ETV1: variants seen among roughly 807,000 people sequenced by gnomAD.
The protein encoded by ETV1 is ETS variant transcription factor 1.
In ETV1, 27 loss-of-function variants were observed where a neutral mutation model predicts 62.3. The observed-to-expected ratio is 0.43, with a 90% confidence interval of 0.32 to 0.60. The LOEUF is 0.60. ETV1 is among the 20% of genes least tolerant of loss of function. The probability of loss-of-function intolerance (pLI) is 0.06; values close to 1 mark genes in which losing one functional copy is unlikely to be tolerated. For synonymous variants in ETV1, 222 were observed against 199.6 expected (o/e 1.11, Z -0.94); for missense variants, 605 against 605.8 (o/e 1.00, Z 0.01).
At chr7:13,911,359 G>T in intron 9 of ETV1, 52 bp from the exon 10 acceptor site, 1 of 1,221,418 alleles carries the variant, frequency 8.2e-7, no homozygotes, top group South Asian at 1.3e-5. Context: ...GAAACGCTGC[G>T]GTTATCAATG....
chr7:13,989,165 G>T, intron 2 of ETV1, 26 bp from the exon 3 acceptor site: 1 of 830,394 alleles, frequency 1.2e-6, no homozygotes, highest in Non-Finnish European at 1.8e-6. Flanking sequence ...ATGGCTTTTA[G>T]GCTTAAAAAA....
At chr7:13,986,311 G>T (rs540192368) in intron 5 of ETV1, 2 of 1,502,596 alleles carry the variant, frequency 1.3e-6, no homozygotes, top group Admixed American at 2.8e-5. Flanking sequence ...GTCTCTGGAG[G>T]TACAATAATA....
chr7:13,920,991 A>T (rs1784781181), intron 9 of ETV1, among the ~76,000 whole-genome samples: 1 of 152,224 alleles, frequency 6.6e-6, no homozygotes, highest in South Asian at 2.1e-4. Context: ...TAAGTGATCT[A>T]CTAGTCCACA....
intron 6 of ETV1, among the ~76,000 whole-genome samples, chr7:13,974,666 G>A (rs1320887505): frequency 1.3e-5 from 2 of 152,240 alleles, no homozygotes; most frequent in East Asian, 3.8e-4. Context: ...AACTTGGTTA[G>A]CAATTTGAGG....
chr7:13,987,415 T>C (rs1475203787), intron 4 of ETV1, among the ~76,000 whole-genome samples: 1 of 152,160 alleles, frequency 6.6e-6, no homozygotes, highest in African/African-American at 2.4e-5. Context: ...AATCTAAGTA[T>C]ATTAAGTTTA....
intron 7 of ETV1, among the ~76,000 whole-genome samples, chr7:13,937,445 T>C (rs895538911): frequency 6.8e-6 from 1 of 146,486 alleles, no homozygotes; most frequent in African/African-American, 2.8e-5. Flanking sequence ...CCAGAATTTA[T>C]TGCATATGCC....
intron 5 of ETV1, among the ~76,000 whole-genome samples, chr7:13,985,814 A>G (rs964783498): frequency 6.6e-6 from 1 of 152,198 alleles, no homozygotes; most frequent in Admixed American, 6.5e-5. Context: ...GTCCCTCAAC[A>G]TTAGGCATTT....
At chr7:13,931,401 A>G (rs938403769) in intron 9 of ETV1, 101 bp downstream of exon 9, 14 of 1,291,324 alleles carry the variant, frequency 1.1e-5, no homozygotes, top group Non-Finnish European at 1.5e-5. Flanking sequence ...ATCTTATTAA[A>G]AAATGGTCAG....
intron 9 of ETV1, among the ~76,000 whole-genome samples, chr7:13,927,172 G>T (rs1261043211): frequency 2.6e-5 from 4 of 152,140 alleles, no homozygotes; most frequent in Admixed American, 1.3e-4. Context: ...TTTACGGCAG[G>T]GTGCAGTGGC....
At chr7:13,900,650 C>T in intron 13 of ETV1, 88 bp downstream of exon 13, 1 of 917,146 alleles carries the variant, frequency 1.1e-6, no homozygotes. Flanking sequence ...CTCGCTTCAG[C>T]AATGCAATGA....
chr7:13,981,639 C>A (rs1280799851), intron 5 of ETV1, among the ~76,000 whole-genome samples: 1 of 151,586 alleles, frequency 6.6e-6, no homozygotes, highest in East Asian at 1.9e-4. Flanking sequence ...AAGGAAAAGA[C>A]AGAAAGATGC....
At chr7:13,907,824 A>C (rs1247712894) in intron 11 of ETV1, 1 of 470,698 alleles carries the variant, frequency 2.1e-6, no homozygotes, top group South Asian at 1.6e-5. Context: ...ATACCTCTTA[A>C]AATAATTACA....
At chr7:13,905,644 G>A (rs955858683) in intron 12 of ETV1, among the ~76,000 whole-genome samples, 1 of 152,188 alleles carries the variant, frequency 6.6e-6, no homozygotes, top group Non-Finnish European at 1.5e-5. Context: ...CCATTTGTAT[G>A]TGGGGAGTGG....
At chr7:13,971,019 T>C (rs997019524) in intron 6 of ETV1, among the ~76,000 whole-genome samples, 60 of 152,194 alleles carry the variant, frequency 3.9e-4, no homozygotes, top group African/African-American at 1.4e-3. Context: ...TCACCCAGGC[T>C]GGAGTGCGAT....
Position 13,893,916 on chromosome 7 carries a change from T to C in ETV1, c.*1950A>G, listed in dbSNP as rs1562570822. Reference sequence around the variant, plus strand: ...AATACATGATGTATATGAACAACAATCATTGAAATCGCAGGTTACATACAT... The same window carrying C: ...AATACATGATGTATATGAACAACAACCATTGAAATCGCAGGTTACATACAT... On this transcript the variant is annotated 3_prime_UTR_variant, in exon 14 of 14. Coordinates refer to ENST00000430479, the MANE Select transcript of ETV1 (RefSeq NM_004956.5). The C allele has an allele frequency of 4.3e-6, 1 of 233,090 alleles. No individual in the cohort carries two copies. The highest frequency in any genetic ancestry group is 8.5e-6 in the Non-Finnish European group (1 of 117,816). The allele number at this position is 233,090 out of a possible 1,614,324, so 14.4% of individuals were successfully genotyped here.
At chr7:13,904,207 G>A (rs1485885224) in intron 12 of ETV1, among the ~76,000 whole-genome samples, 1 of 152,176 alleles carries the variant, frequency 6.6e-6, no homozygotes, top group African/African-American at 2.4e-5. Context: ...AATCAGATAT[G>A]GGATGTTTCA....
At chr7:13,923,652 T>G (rs1241888286) in intron 9 of ETV1, among the ~76,000 whole-genome samples, 1 of 152,218 alleles carries the variant, frequency 6.6e-6, no homozygotes, top group Non-Finnish European at 1.5e-5. Context: ...GCTTTTCTAC[T>G]GGCTTTTATC....
At position 13,928,507 on chromosome 7, in the gene ETV1, C is replaced by T. The variant is rs1029727381; in HGVS notation, c.802+2995G>A. On this transcript the variant is annotated intron_variant, in intron 9 of 13. Coordinates refer to ENST00000430479, the MANE Select transcript of ETV1 (RefSeq NM_004956.5). Reference sequence around the variant, plus strand: ...CGCATGCCTGTAATCCCAGCTACTCCGGAGGCTGAGGGAGGAGAATCGCTT... The same window carrying T: ...CGCATGCCTGTAATCCCAGCTACTCTGGAGGCTGAGGGAGGAGAATCGCTT... 1.3e-4 allele frequency among the ~76,000 whole-genome samples: 19 copies of T among 151,836 alleles called. 1 individual carries two copies. Among genetic ancestry groups the T allele is most frequent in the Admixed American group, 9.2e-4 (14 of 15,242 alleles).
At chr7:13,940,834 A>G (rs1399166763) in intron 6 of ETV1, among the ~76,000 whole-genome samples, 1 of 152,190 alleles carries the variant, frequency 6.6e-6, no homozygotes, top group Non-Finnish European at 1.5e-5. Flanking sequence ...AACAAATACT[A>G]TTTGTTTTAT....
Sources: allele counts gnomAD v4.1 joint callset (sites outside exome capture counted in the v4.1 genomes callset), GRCh38; gene constraint gnomAD v4.1.1; transcripts MANE v1.5; gene names NCBI Gene and HGNC (gene_info 2026-07-23, HGNC 2026-07-21).